Variants in GPHN observed in about 807,000 individuals in gnomAD.
The protein encoded by GPHN is gephyrin.
In GPHN, 17 loss-of-function variants were observed where a neutral mutation model predicts 95.5. The observed-to-expected ratio is 0.18, with a 90% CI of 0.12 to 0.27. The LOEUF (loss-of-function observed/expected upper bound fraction) is 0.27, where lower values mean the gene tolerates loss of function less well. Ranked by LOEUF, GPHN falls within the 10% of genes least tolerant of loss-of-function variation. GPHN has a pLI of 1.00. For synonymous variants in GPHN, 320 were observed against 322.5 expected, an observed-to-expected ratio of 0.99 and a Z score of 0.08; for missense variants, 660 against 978.1, an observed-to-expected ratio of 0.67 and a Z score of 4.34.
At chr14:67,626,019 T>G in the GPHN span, among the ~76,000 whole-genome samples, 5 of 152,082 alleles carry the variant, frequency 3.3e-5, no homozygotes, top group African/African-American at 1.2e-4. Context: ...TTTGGGAGGC[T>G]GAGGCGGGCA....
the GPHN span, among the ~76,000 whole-genome samples, chr14:67,694,517 T>TA: frequency 2.1e-4 from 15 of 71,312 alleles, no homozygotes; most frequent in Non-Finnish European, 3.9e-4. Flanking sequence ...CACACATATA[T>TA]TTTTTTTTTT....
intron 5 of GPHN, among the ~76,000 whole-genome samples, chr14:66,901,153 A>G (rs1030408618): frequency 6.6e-6 from 1 of 152,038 alleles, no homozygotes; most frequent in African/African-American, 2.4e-5. Context: ...GGTGTTGGCC[A>G]TTTGAATGCC....
intron 10 of GPHN, among the ~76,000 whole-genome samples, chr14:67,037,358 T>C (rs1381094803): frequency 6.6e-6 from 1 of 151,922 alleles, no homozygotes; most frequent in Non-Finnish European, 1.5e-5. Context: ...GAAGGAAATA[T>C]GCAGAAAAAC....
At chr14:66,974,305 G>A (rs1351605964) in intron 9 of GPHN, among the ~76,000 whole-genome samples, 9 of 152,014 alleles carry the variant, frequency 5.9e-5, no homozygotes. Context: ...TTCCTCTGAT[G>A]TTCTGCTGGG....
intron 10 of GPHN, among the ~76,000 whole-genome samples, chr14:67,032,925 T>C (rs1594878908): frequency 6.6e-6 from 1 of 151,844 alleles, no homozygotes; most frequent in Non-Finnish European, 1.5e-5. Context: ...GAAACCAACC[T>C]CAAAGAAACA....
the GPHN span, among the ~76,000 whole-genome samples, chr14:67,661,088 A>T: frequency 6.6e-6 from 1 of 152,046 alleles, no homozygotes; most frequent in Non-Finnish European, 1.5e-5. Flanking sequence ...GATCTTCAAC[A>T]AGCAAGAAGG....
chr14:66,542,788 T>C (rs1026599472), intron 1 of GPHN, among the ~76,000 whole-genome samples: 8 of 152,258 alleles, frequency 5.3e-5, no homozygotes, highest in African/African-American at 1.9e-4. Context: ...CTCTAATTTC[T>C]TTCTTCCTGT....
chr14:66,624,632 A>G (rs904344874), intron 1 of GPHN, among the ~76,000 whole-genome samples: 2 of 152,182 alleles, frequency 1.3e-5, no homozygotes, highest in African/African-American at 2.4e-5. Context: ...GGGTTGAGAG[A>G]CTTCAGTCTG....
At chr14:67,467,126 T>C in the GPHN span, 1 of 151,950 alleles carries the variant, frequency 6.6e-6, no homozygotes, top group African/African-American at 2.4e-5. Context: ...ACAGCCAGGG[T>C]CCTCTGTTAG....
rs113637420 is a variant in GPHN, at chr14:67,051,522, T to C, written c.1007-7127T>C. ...AAAGAGATGGGAGAATGGAACCAAG[T>C]TGGAAAACGTACATCAGGATATCAT... On this transcript the variant is annotated intron_variant, in intron 10 of 22. Coordinates refer to ENST00000478722, the MANE Select transcript of GPHN (RefSeq NM_020806.5). Among the ~76,000 whole-genome samples the C allele has an allele frequency of 3.1e-3, 468 of 152,184 alleles. 5 individuals carry two copies. Among genetic ancestry groups the C allele is most frequent in the African/African-American group, 0.011 (450 of 41,516 alleles).
chr14:66,790,328 G>A (rs2059928563), intron 3 of GPHN, among the ~76,000 whole-genome samples: 1 of 152,140 alleles, frequency 6.6e-6, no homozygotes, highest in African/African-American at 2.4e-5. Flanking sequence ...GATCAGCCAG[G>A]AAGTACTCAT....
chr14:66,738,429 G>A (rs373539033), intron 2 of GPHN, among the ~76,000 whole-genome samples: 2 of 152,060 alleles, frequency 1.3e-5, no homozygotes, highest in East Asian at 3.9e-4. Flanking sequence ...ATCCTTTTGA[G>A]CCATCTGTAC....
the GPHN span, among the ~76,000 whole-genome samples, chr14:67,341,360 G>T: frequency 2.0e-5 from 3 of 149,924 alleles, no homozygotes; most frequent in Non-Finnish European, 4.4e-5. Context: ...CCACCCGGCA[G>T]CCGCCCCATC....
intron 2 of GPHN, among the ~76,000 whole-genome samples, chr14:66,691,693 TC>T (rs1039839045): frequency 6.6e-6 from 1 of 152,172 alleles, no homozygotes; most frequent in African/African-American, 2.4e-5. Context: ...ATGTTTATTA[TC>T]CAGTCGTTTA....
At chr14:67,199,220 C>T in the GPHN span, 2 of 1,607,424 alleles carry the variant, frequency 1.2e-6, no homozygotes, top group Non-Finnish European at 1.7e-6. Context: ...CTGGCCAGCA[C>T]CAAGGCTATG....
At chr14:66,578,371 CAG>C (rs1292354794) in intron 1 of GPHN, among the ~76,000 whole-genome samples, 3 of 151,376 alleles carry the variant, frequency 2.0e-5, no homozygotes, top group African/African-American at 4.8e-5. Context: ...AGAAGGAACA[CAG>C]AGAGAGAAAG....
the GPHN span, among the ~76,000 whole-genome samples, chr14:67,484,521 A>G: frequency 4.6e-5 from 7 of 152,248 alleles, no homozygotes; most frequent in Admixed American, 4.6e-4. Flanking sequence ...ATAGAAAGCA[A>G]AAGTTCCCTG....
intron 16 of GPHN, among the ~76,000 whole-genome samples, chr14:67,115,512 C>T (rs553170531): frequency 9.8e-4 from 149 of 152,222 alleles, no homozygotes; most frequent in Middle Eastern, 3.4e-3. Flanking sequence ...GCGGGAGGAT[C>T]GCTTGAGGTC....
At chr14:67,085,860 T>C (rs2076864230) in intron 11 of GPHN, among the ~76,000 whole-genome samples, 1 of 152,182 alleles carries the variant, frequency 6.6e-6, no homozygotes, top group Non-Finnish European at 1.5e-5. Context: ...AAACACTAAC[T>C]CTTCTTTCCC....
Sources: allele counts gnomAD v4.1 joint callset (sites outside exome capture counted in the v4.1 genomes callset), GRCh38; gene constraint gnomAD v4.1.1; transcripts MANE v1.5; gene names NCBI Gene and HGNC (gene_info 2026-07-23, HGNC 2026-07-21).